The following SLCO4C1 variants were observed in gnomAD, a reference collection of about 807,000 sequenced individuals.
SLCO4C1 encodes solute carrier organic anion transporter family member 4C1, also known as organic anion transporter M1.
SLCO4C1 carries 58 observed loss-of-function variants against 72.1 expected under a neutral mutation model. That is an observed-to-expected ratio of 0.80 (90% CI 0.65 to 1.00). SLCO4C1 has a LOEUF of 1.00. Ranked by LOEUF, SLCO4C1 falls within the 50% of genes least tolerant of loss-of-function variation. The pLI is 0.00. For missense variants in SLCO4C1, 898 were observed against 857.9 expected (o/e 1.05, Z -0.58); for synonymous variants, 297 against 312.5 (o/e 0.95, Z 0.52).
chr5:102,240,839 T>A (rs1748527152), intron 10 of SLCO4C1, 57 bp from the exon 11 acceptor site: 2 of 1,238,342 alleles, frequency 1.6e-6, no homozygotes, highest in Non-Finnish European at 2.3e-6. Context: ...ATTCACTCTT[T>A]GAGCAAGTTC....
At chr5:102,277,775 A>T (rs1412892946) in intron 2 of SLCO4C1, among the ~76,000 whole-genome samples, 1 of 151,950 alleles carries the variant, frequency 6.6e-6, no homozygotes, top group African/African-American at 2.4e-5. Context: ...TAAGAACCAG[A>T]GTCTAATAAT....
At chr5:102,244,399 A>G (rs1748601217) in intron 10 of SLCO4C1, among the ~76,000 whole-genome samples, 2 of 152,202 alleles carry the variant, frequency 1.3e-5, no homozygotes, top group African/African-American at 4.8e-5. Flanking sequence ...TCTAGAAAAT[A>G]GCCTCAAAAC....
intron 2 of SLCO4C1, among the ~76,000 whole-genome samples, chr5:102,287,865 T>A (rs766911445): frequency 6.6e-6 from 1 of 150,734 alleles, no homozygotes; most frequent in East Asian, 1.9e-4. Flanking sequence ...GGTTTTATCA[T>A]TTCTAACATC....
At chr5:102,280,194 A>G (rs1395971106) in intron 2 of SLCO4C1, among the ~76,000 whole-genome samples, 1 of 151,830 alleles carries the variant, frequency 6.6e-6, no homozygotes, top group Non-Finnish European at 1.5e-5. Flanking sequence ...ATGACTGTCT[A>G]CATAGAATAC....
chr5:102,254,267 G>GA (rs1263947873), intron 8 of SLCO4C1, among the ~76,000 whole-genome samples: 3 of 152,076 alleles, frequency 2.0e-5, no homozygotes, highest in African/African-American at 7.2e-5. Flanking sequence ...CAAATCTTGT[G>GA]TTTTTTACAA....
Position 102,235,093 on chromosome 5 carries a change from C to T in SLCO4C1, c.*1765G>A, listed in dbSNP as rs1561361886. Reference sequence around the variant, plus strand: ...TATGCTGCTTCCCTAACTCCTCATTCCTTCTCCTTGAATTTCACTTTACAA... The same window carrying T: ...TATGCTGCTTCCCTAACTCCTCATTTCTTCTCCTTGAATTTCACTTTACAA... On this transcript the variant is annotated 3_prime_UTR_variant, in exon 13 of 13. Coordinates refer to ENST00000310954, the MANE Select transcript of SLCO4C1 (RefSeq NM_180991.5). 6.6e-6 allele frequency: 1 copy of T among 152,180 alleles called. No individual in the cohort carries two copies. The allele number at this position is 152,180 out of a possible 1,614,324, so 9.4% of individuals were successfully genotyped here.
At chr5:102,275,066 G>A (rs1749223962) in intron 2 of SLCO4C1, among the ~76,000 whole-genome samples, 1 of 151,904 alleles carries the variant, frequency 6.6e-6, no homozygotes, top group Admixed American at 6.6e-5. Flanking sequence ...TTTTCATGGA[G>A]CAAATGAGAA....
chr5:102,258,212 C>A, intron 6 of SLCO4C1, 125 bp from the exon 7 acceptor site: 3 of 672,628 alleles, frequency 4.5e-6, no homozygotes, highest in South Asian at 3.3e-5. Flanking sequence ...AGCATTTCCT[C>A]CAAAACAAAA....
At chr5:102,293,358 C>T (rs1012211037) in intron 1 of SLCO4C1, among the ~76,000 whole-genome samples, 3 of 151,966 alleles carry the variant, frequency 2.0e-5, no homozygotes, top group African/African-American at 7.2e-5. Flanking sequence ...TTTGTAAACT[C>T]CTCAGGAAGG....
intron 2 of SLCO4C1, among the ~76,000 whole-genome samples, chr5:102,282,044 TCCATA>T (rs1749365245): frequency 6.6e-6 from 1 of 152,024 alleles, no homozygotes. Context: ...CTATGGTACA[TCCATA>T]CCATGGATTA....
Position 102,296,056 on chromosome 5 carries a change from A to G in SLCO4C1, c.207T>C (p.Asn69=), listed in dbSNP as rs1749646581. The G allele has an allele frequency of 6.2e-7, 1 of 1,614,176 alleles. No individual in the cohort carries two copies. The highest frequency in any genetic ancestry group is 8.5e-7 in the Non-Finnish European group (1 of 1,180,022). Residue 69 remains asparagine (N), a synonymous_variant, in exon 1 of 13, where the codon AAT becomes AAC. Transcript: ENST00000310954. ...PEPSLPSAPP[N]VSEEKLRSLS... ...GTGACCGGAGCTTCTCTTCGGAGACATTGGGAGGGGCTGAAGGCAGAGATG... is the reference window on the plus strand; with the variant it reads ...GTGACCGGAGCTTCTCTTCGGAGACGTTGGGAGGGGCTGAAGGCAGAGATG...
chr5:102,293,889 C>T (rs557394068), intron 1 of SLCO4C1, among the ~76,000 whole-genome samples: 5 of 151,978 alleles, frequency 3.3e-5, no homozygotes, highest in Non-Finnish European at 7.4e-5. Context: ...CGTGTGCCAC[C>T]GCACCCGGCT....
At chr5:102,241,241 A>G (rs1748534434) in intron 10 of SLCO4C1, among the ~76,000 whole-genome samples, 1 of 152,188 alleles carries the variant, frequency 6.6e-6, no homozygotes, top group South Asian at 2.1e-4. Flanking sequence ...TATTCGGCAT[A>G]GTACTAAAAG....
intron 4 of SLCO4C1, 63 bp downstream of exon 4, chr5:102,263,621 T>A (rs1217386289): frequency 2.2e-6 from 3 of 1,353,606 alleles, no homozygotes; most frequent in Non-Finnish European, 3.2e-6. Context: ...ATGTTCTGTC[T>A]ATGATGCTGG....
Position 102,247,329 on chromosome 5 carries a change from G to A in SLCO4C1, c.1734C>T (p.Pro578=). The stretch of plus-strand genomic sequence containing the variant: ...CAATAAAGAAAATGCAAAGGAATAT[G>A]GGCAGTTTCGCACAATGAGTTTCAC... ...GKCETHCAKL[P]IFLCIFFIVI... The change falls in exon 10 of 13, where the codon CCC becomes CCT. Residue 578 remains proline, a synonymous_variant. Coordinates refer to ENST00000310954, the MANE Select transcript of SLCO4C1 (RefSeq NM_180991.5). 6.3e-7 allele frequency: 1 copy of A among 1,598,602 alleles called. No individual in the cohort carries two copies. The highest frequency in any genetic ancestry group is 8.6e-7 in the Non-Finnish European group (1 of 1,168,898).
intron 11 of SLCO4C1, among the ~76,000 whole-genome samples, chr5:102,240,076 C>T (rs1340613575): frequency 2.0e-5 from 3 of 152,052 alleles, no homozygotes; most frequent in African/African-American, 7.2e-5. Context: ...GAATCATTTT[C>T]CTACTTTCAT....
intron 2 of SLCO4C1, among the ~76,000 whole-genome samples, chr5:102,271,649 A>C (rs1749154787): frequency 1.3e-5 from 2 of 152,104 alleles, no homozygotes; most frequent in East Asian, 1.9e-4. Flanking sequence ...TTTTAAAATC[A>C]GTGACATTAA....
chr5:102,246,070 C>CA (rs1055880677), intron 10 of SLCO4C1, among the ~76,000 whole-genome samples: 23 of 149,218 alleles, frequency 1.5e-4, no homozygotes, highest in African/African-American at 4.4e-4. Context: ...AGCTATACAT[C>CA]AAAAAAAAGG....
At chr5:102,270,521 GC>G in intron 3 of SLCO4C1, 102 bp downstream of exon 3, 1 of 900,798 alleles carries the variant, frequency 1.1e-6, no homozygotes. Flanking sequence ...AAAACCTATG[GC>G]ATTACAACTA....
Sources: gnomAD v4.1 joint callset for allele counts (sites outside exome capture counted in the v4.1 genomes callset) on GRCh38, gnomAD v4.1.1 for gene constraint, MANE v1.5 for transcripts, NCBI Gene and HGNC (gene_info 2026-07-23, HGNC 2026-07-21) for gene names.